WASL: variants seen among roughly 807,000 people sequenced by gnomAD.
WASL encodes actin nucleation-promoting factor WASL.
A neutral mutation model predicts 55.5 loss-of-function variants in WASL; 20 were observed. The observed-to-expected ratio is 0.36, with a 90% CI of 0.25 to 0.52. The LOEUF is 0.52. Ranked by LOEUF, WASL falls within the 20% of genes least tolerant of loss-of-function variation. WASL has a pLI of 0.92. For missense variants in WASL, 504 were observed against 622.5 expected (o/e 0.81, Z 2.03); for synonymous variants, 249 against 217.6 (o/e 1.14, Z -1.27).
chr7:123,688,517 C>T (rs796791168), intron 10 of WASL, among the ~76,000 whole-genome samples: 5 of 152,156 alleles, frequency 3.3e-5, no homozygotes, highest in African/African-American at 9.6e-5. Context: ...TGCGCCACCA[C>T]GCCGGCTAAC....
At chr7:123,713,993 T>C (rs1584865053) in intron 1 of WASL, among the ~76,000 whole-genome samples, 2 of 152,078 alleles carry the variant, frequency 1.3e-5, no homozygotes, top group East Asian at 3.9e-4. Flanking sequence ...CTAGAACCAA[T>C]CCCCCATGGA....
intron 1 of WASL, among the ~76,000 whole-genome samples, chr7:123,730,197 CA>C (rs1309629436): frequency 6.6e-6 from 1 of 151,952 alleles, no homozygotes; most frequent in African/African-American, 2.4e-5. Flanking sequence ...ATACGCCTAG[CA>C]AAAAATGTTT....
At chr7:123,730,862 T>C (rs918743245) in intron 1 of WASL, among the ~76,000 whole-genome samples, 1 of 152,158 alleles carries the variant, frequency 6.6e-6, no homozygotes, top group Non-Finnish European at 1.5e-5. Context: ...GTAAATTGCA[T>C]GTCACAGGGG....
At chr7:123,700,017 A>G (rs1803553802) in intron 5 of WASL, among the ~76,000 whole-genome samples, 1 of 151,824 alleles carries the variant, frequency 6.6e-6, no homozygotes, top group Non-Finnish European at 1.5e-5. Context: ...TCTACTAACA[A>G]TACAAAAAAT....
chr7:123,697,389 C>CA (rs892484669), intron 5 of WASL, among the ~76,000 whole-genome samples: 66 of 152,280 alleles, frequency 4.3e-4, no homozygotes, highest in African/African-American at 1.3e-3. Flanking sequence ...TCAAAGGCAT[C>CA]TTTCCATATT....
rs1803458710 is a variant in WASL at position 123,694,255 on chromosome 7, T to C, written c.826+460A>G. ...TCAAATCTTAAAAGGTTATAAATTG[T>C]GCTCTCAGGTACAAAAGAAAATTTC... is the stretch of plus-strand genomic sequence containing the variant. On this transcript the variant is annotated intron_variant, in intron 8 of 10. Coordinates refer to ENST00000223023, the MANE Select transcript of WASL (RefSeq NM_003941.4). 2.6e-5 allele frequency among the ~76,000 whole-genome samples: 4 copies of C among 152,216 alleles called. No homozygotes were observed. The South Asian group carries it at 8.3e-4, about 32-fold the overall frequency.
chr7:123,707,712 C>T (rs1156232369), intron 2 of WASL, among the ~76,000 whole-genome samples: 2 of 152,172 alleles, frequency 1.3e-5, no homozygotes, highest in East Asian at 1.9e-4. Context: ...CTAAATAGTG[C>T]TTCTCAATGG....
chr7:123,692,922 T>C (rs946913227), intron 8 of WASL, 55 bp from the exon 9 acceptor site: 1 of 1,327,124 alleles, frequency 7.5e-7, no homozygotes, highest in Non-Finnish European at 9.6e-7. Flanking sequence ...ATAAACATCA[T>C]ATTGAAAAGT....
chr7:123,689,246 TA>T, intron 9 of WASL, 96 bp from the exon 10 acceptor site: 1 of 982,990 alleles, frequency 1.0e-6, no homozygotes, highest in South Asian at 1.5e-5. Flanking sequence ...CTTCTTATTG[TA>T]AAAGACAAAA....
chr7:123,689,246 T>A, intron 9 of WASL, 96 bp from the exon 10 acceptor site: 3 of 982,980 alleles, frequency 3.1e-6, no homozygotes, highest in Non-Finnish European at 3.1e-6. Context: ...CTTCTTATTG[T>A]AAAAGACAAA....
At position 123,694,827 on chromosome 7, in the gene WASL, C is replaced by T. The variant is rs1803466618; in HGVS notation, c.714G>A (p.Met238Ile). Reference sequence around the variant, plus strand: ...TAAGTTGTGCCTCTGAGATTCCACACATATCGAAAAGATTCTTCAATTCTG... The same window carrying T: ...TAAGTTGTGCCTCTGAGATTCCACATATATCGAAAAGATTCTTCAATTCTG... The part of the protein sequence containing the change: ...LDPELKNLFD[M>I]CGISEAQLKD... Residue 238 changes from methionine to isoleucine, a missense_variant, in exon 8 of 11, where the codon ATG (methionine) becomes ATA (isoleucine). Around this residue, in one of 5 missense-constraint regions of WASL, gnomAD observed 17 missense variants for 58.4 expected, o/e 0.29. Transcript: ENST00000223023. 6.2e-7 allele frequency: 1 copy of T among 1,611,838 alleles called. No individual in the cohort carries two copies.
At chr7:123,739,846 CTAT>C (rs779284441) in intron 1 of WASL, among the ~76,000 whole-genome samples, 2 of 151,482 alleles carry the variant, frequency 1.3e-5, no homozygotes, top group Non-Finnish European at 2.9e-5. Context: ...TCTCTCCTCT[CTAT>C]TATTCAAATC....
chr7:123,733,913 CAAAAAAAAA>C (rs33913069), intron 1 of WASL, among the ~76,000 whole-genome samples: 7 of 110,780 alleles, frequency 6.3e-5, no homozygotes, highest in East Asian at 2.6e-4. Context: ...ATCCACGTGC[CAAAAAAAAA>C]AAAAAAAAAA....
intron 1 of WASL, among the ~76,000 whole-genome samples, chr7:123,710,468 T>G (rs560805129): frequency 5.8e-4 from 88 of 152,202 alleles, no homozygotes; most frequent in African/African-American, 2.0e-3. Flanking sequence ...GAACTATGCC[T>G]GAGGGGTGCC....
At chr7:123,713,156 TTTTA>T (rs1207872878) in intron 1 of WASL, among the ~76,000 whole-genome samples, 1 of 151,770 alleles carries the variant, frequency 6.6e-6, no homozygotes, top group Non-Finnish European at 1.5e-5. Flanking sequence ...TATTTTCTCT[TTTTA>T]TTTTTGAGAC....
chr7:123,695,902 AT>A, intron 6 of WASL, 37 bp from the exon 7 acceptor site: 2 of 1,596,296 alleles, frequency 1.3e-6, no homozygotes, highest in Non-Finnish European at 1.7e-6. Flanking sequence ...GAAAAACAAA[AT>A]GCATAAAGGG....
rs1341491863 is a variant in WASL, at chr7:123,748,878, C to T, written c.-144G>A. 1.5e-6 allele frequency: 1 copy of T among 663,576 alleles called. No individual in the cohort carries two copies. The highest frequency in any genetic ancestry group is 2.4e-6 in the Non-Finnish European group (1 of 410,090). 41.1% of individuals were successfully genotyped at this position (663,576 alleles called of 1,614,324 possible). The stretch of plus-strand genomic sequence containing the variant: ...AGCTCCTCCGGAGCGGGGAGGAGGA[C>T]GAGGTCGAGGGAAGCAGGCGCTGAC... On this transcript the variant is annotated 5_prime_UTR_variant, in exon 1 of 11. Transcript: ENST00000223023.
At chr7:123,699,181 C>T (rs1383699866) in intron 5 of WASL, among the ~76,000 whole-genome samples, 3 of 152,044 alleles carry the variant, frequency 2.0e-5, no homozygotes, top group Non-Finnish European at 4.4e-5. Flanking sequence ...GTCAGGAGTT[C>T]GAGACCAGCC....
intron 1 of WASL, among the ~76,000 whole-genome samples, chr7:123,719,294 T>C (rs1435936483): frequency 1.3e-5 from 2 of 152,224 alleles, no homozygotes; most frequent in Non-Finnish European, 1.5e-5. Flanking sequence ...CATGGGACTG[T>C]CTTAGAAGTC....
Sources: allele counts gnomAD v4.1 joint callset (sites outside exome capture counted in the v4.1 genomes callset), GRCh38; gene constraint gnomAD v4.1.1; regional missense constraint gnomAD v4.1.1; transcripts MANE v1.5; gene names NCBI Gene and HGNC (gene_info 2026-07-23, HGNC 2026-07-21).